The following ESPNL variants were observed in gnomAD, a reference collection of about 807,000 sequenced individuals.
ESPNL encodes the protein espin like.
A neutral mutation model predicts 46.8 loss-of-function variants in ESPNL; 49 were observed. The observed-to-expected ratio is 1.05, with a 90% CI of 0.83 to 1.33. The LOEUF (loss-of-function observed/expected upper bound fraction) is 1.33, where lower values mean the gene tolerates loss of function less well. ESPNL is among the 40% of genes most tolerant of loss of function. The pLI is 0.00. For synonymous variants in ESPNL, 664 were observed against 662.1 expected (o/e 1.00, Z -0.04); for missense variants, 1,540 against 1,436.6 (o/e 1.07, Z -1.16).
intron 4 of ESPNL, among the ~76,000 whole-genome samples, chr2:238,116,045 A>G (rs1477866188): frequency 6.6e-6 from 1 of 152,248 alleles, no homozygotes; most frequent in East Asian, 1.9e-4. Flanking sequence ...GGTCTATCTC[A>G]GAGATACATT....
chr2:238,118,635 GAATGGATGGAGGAGA>G (rs1476335775), intron 5 of ESPNL, among the ~76,000 whole-genome samples: 2 of 141,346 alleles, frequency 1.4e-5, no homozygotes, highest in East Asian at 2.2e-4. Context: ...GATGGAGGAG[GAATGGATGGAGGAGA>G]GTGGTTGGAG....
intron 2 of ESPNL, among the ~76,000 whole-genome samples, chr2:238,102,844 C>T (rs1296048373): frequency 2.0e-5 from 3 of 152,224 alleles, no homozygotes; most frequent in Non-Finnish European, 4.4e-5. Context: ...ACCCACCTAC[C>T]TCTGACCACG....
At chr2:238,123,502 C>G (rs998730441) in intron 5 of ESPNL, among the ~76,000 whole-genome samples, 1 of 152,118 alleles carries the variant, frequency 6.6e-6, no homozygotes, top group African/African-American at 2.4e-5. Context: ...GCCCAGGGAT[C>G]TCAGGTCCCC....
At position 238,131,285 on chromosome 2, in the gene ESPNL, C is replaced by CTTCATGCTGGGT; in HGVS notation, c.2573_2584dup (p.Phe858_Gly861dup). 1 of 1,580,932 alleles carries CTTCATGCTGGGT rather than the reference C, an allele frequency of 6.3e-7. No homozygotes were observed. Among genetic ancestry groups the CTTCATGCTGGGT allele is most frequent in the South Asian group, 1.2e-5 (1 of 86,848 alleles). On this transcript the variant is annotated inframe_insertion, in exon 9 of 9. Coordinates refer to ENST00000343063, the MANE Select transcript of ESPNL (RefSeq NM_194312.4). Reference sequence around the variant, plus strand: ...CCTACAGCAGCCTCTCACTGGATCTCTTCATGCTGGGTTACTTCCAGCTGC... The same window carrying CTTCATGCTGGGT: ...CCTACAGCAGCCTCTCACTGGATCTCTTCATGCTGGGTTTCATGCTGGGTTACTTCCAGCTGC...
At chr2:238,102,658 T>A (rs2106463537) in intron 2 of ESPNL, among the ~76,000 whole-genome samples, 1 of 152,168 alleles carries the variant, frequency 6.6e-6, no homozygotes, top group South Asian at 2.1e-4. Flanking sequence ...CTGGAATTAG[T>A]GGATGGGCAA....
chr2:238,108,005 A>G (rs771496277), intron 4 of ESPNL, 32 bp downstream of exon 4: 2 of 1,583,740 alleles, frequency 1.3e-6, no homozygotes, highest in Non-Finnish European at 1.7e-6. Flanking sequence ...CAGGGTGAGC[A>G]GTCACAAGTG....
intron 2 of ESPNL, among the ~76,000 whole-genome samples, chr2:238,102,359 A>G (rs1327436157): frequency 6.6e-6 from 1 of 152,206 alleles, no homozygotes; most frequent in Non-Finnish European, 1.5e-5. Flanking sequence ...GACACAGGCC[A>G]GTGCTTCAGC....
chr2:238,118,821 GA>G (rs1220269783), intron 5 of ESPNL, among the ~76,000 whole-genome samples: 73 of 132,348 alleles, frequency 5.5e-4, no homozygotes, highest in African/African-American at 7.1e-4. Context: ...GATGGAGGAG[GA>G]ATGGATGGAG....
chr2:238,126,170 TTG>T (rs1456253276), intron 6 of ESPNL, among the ~76,000 whole-genome samples: 21 of 150,684 alleles, frequency 1.4e-4, no homozygotes, highest in African/African-American at 5.1e-4. Flanking sequence ...CTGTGTGTGA[TTG>T]TGTTCGAGTG....
intron 3 of ESPNL, among the ~76,000 whole-genome samples, chr2:238,107,361 G>A (rs1008283506): frequency 1.8e-4 from 28 of 152,302 alleles, no homozygotes; most frequent in African/African-American, 6.3e-4. Flanking sequence ...CACAGGACCC[G>A]CTGCTCCAGC....
At position 238,130,365 on chromosome 2, in the gene ESPNL, A is replaced by T. The variant is rs1574747993; in HGVS notation, c.1651A>T (p.Asn551Tyr). ...LPEPLVSITV[N>Y]SHFLPRAPGL... is the part of the protein sequence containing the mutation. ...CGAGCCCCTGGTCAGCATCACGGTCAACAGCCACTTCCTGCCCCGGGCGCC... is the reference window on the plus strand; with the variant it reads ...CGAGCCCCTGGTCAGCATCACGGTCTACAGCCACTTCCTGCCCCGGGCGCC... The change falls in exon 9 of 9, where the codon AAC (asparagine) becomes TAC (tyrosine). Residue 551 changes from asparagine to tyrosine, a missense_variant. Transcript: ENST00000343063. The T allele has an allele frequency of 6.8e-6, 11 of 1,610,682 alleles. No homozygotes were observed. Among genetic ancestry groups the T allele is most frequent in the Non-Finnish European group, 9.3e-6 (11 of 1,179,152 alleles).
Position 238,104,806 on chromosome 2 carries a change from C to A in ESPNL, c.636C>A (p.Ala212=). Reference sequence around the variant, plus strand: ...ATGGCATGAGCGCCCTGCACGCTGCCGCCGCCCGTGGCCACTACTCCCTCG... The same window carrying A: ...ATGGCATGAGCGCCCTGCACGCTGCAGCCGCCCGTGGCCACTACTCCCTCG... ...ALDGMSALHA[A]AARGHYSLVV... is the part of the protein sequence containing the mutation. Residue 212 remains alanine (A), a synonymous_variant, in exon 3 of 9, where the codon GCC becomes GCA. Coordinates refer to ENST00000343063, the MANE Select transcript of ESPNL (RefSeq NM_194312.4). 1.3e-6 allele frequency: 2 copies of A among 1,558,580 alleles called. No individual in the cohort carries two copies. The highest frequency in any genetic ancestry group is 2.4e-5 in the East Asian group (1 of 41,752).
intron 6 of ESPNL, among the ~76,000 whole-genome samples, chr2:238,125,979 C>G (rs1574742802): frequency 6.6e-6 from 1 of 151,614 alleles, no homozygotes; most frequent in Middle Eastern, 3.4e-3. Flanking sequence ...GTGATTGTGT[C>G]TGTGTGTGAT....
intron 1 of ESPNL, among the ~76,000 whole-genome samples, chr2:238,101,114 G>A (rs1000612764): frequency 6.6e-6 from 1 of 152,164 alleles, no homozygotes; most frequent in Non-Finnish European, 1.5e-5. Flanking sequence ...ACGGGAGTTA[G>A]GGCTGCTGAT....
chr2:238,119,432 G>A lies in ESPNL; in HGVS notation c.987+2398G>A, dbSNP rs1443259578. Among the ~76,000 whole-genome samples, 3 of 140,406 alleles carry A rather than the reference G, an allele frequency of 2.1e-5. 1 individual carries two copies. Among genetic ancestry groups the A allele is most frequent in the African/African-American group, 5.5e-5 (2 of 36,134 alleles). 92.1% of individuals were successfully genotyped at this position (140,406 alleles called of 152,430 possible). ...GGTGGATGGAGGAGGGTAGATGGAGGAGGGGAGGTGGAGGAGAGGAGGTTA... is the reference window on the plus strand; with the variant it reads ...GGTGGATGGAGGAGGGTAGATGGAGAAGGGGAGGTGGAGGAGAGGAGGTTA... On this transcript the variant is annotated intron_variant, in intron 5 of 8. Transcript: ENST00000343063.
At chr2:238,123,461 G>A (rs1692031756) in intron 5 of ESPNL, among the ~76,000 whole-genome samples, 1 of 152,126 alleles carries the variant, frequency 6.6e-6, no homozygotes, top group African/African-American at 2.4e-5. Flanking sequence ...TGGGGCTGGG[G>A]ATTCCTCTGG....
intron 6 of ESPNL, among the ~76,000 whole-genome samples, chr2:238,125,919 CTG>C (rs1437078984): frequency 1.1e-4 from 17 of 152,066 alleles, no homozygotes; most frequent in Non-Finnish European, 2.2e-4. Flanking sequence ...GTGATTGTGT[CTG>C]TGTGTTCTGT....
intron 3 of ESPNL, among the ~76,000 whole-genome samples, chr2:238,105,971 C>T (rs908876376): frequency 6.6e-6 from 1 of 152,150 alleles, no homozygotes; most frequent in Non-Finnish European, 1.5e-5. Context: ...CTGTGCCTGG[C>T]ACACAGCTCC....
intron 6 of ESPNL, among the ~76,000 whole-genome samples, chr2:238,126,825 CTCTGTGTGTGACTGTA>C (rs1472653835): frequency 1.1e-4 from 16 of 145,930 alleles, no homozygotes; most frequent in African/African-American, 4.1e-4. Flanking sequence ...CTGTGTGTTT[CTCTGTGTGTGACTGTA>C]TCTGTGTGTG....
Sources: gnomAD v4.1 joint callset for allele counts (sites outside exome capture counted in the v4.1 genomes callset) on GRCh38, gnomAD v4.1.1 for gene constraint, MANE v1.5 for transcripts, NCBI Gene and HGNC (gene_info 2026-07-23, HGNC 2026-07-21) for gene names.